The following UGT8 variants were observed in gnomAD, a reference collection of about 807,000 sequenced individuals.
UGT8 encodes the protein 2-hydroxyacylsphingosine 1-beta-galactosyltransferase.
A neutral mutation model predicts 40.5 loss-of-function variants in UGT8; 12 were observed. The ratio of observed to expected loss-of-function variants is 0.30; its 90% CI spans 0.19 to 0.48. The LOEUF is 0.48. Ranked by LOEUF, UGT8 falls within the 20% of genes least tolerant of loss-of-function variation. The probability of loss-of-function intolerance (pLI) is 0.99; values close to 1 mark genes in which losing one functional copy is unlikely to be tolerated. For synonymous variants in UGT8, 224 were observed against 240.4 expected (o/e 0.93, Z 0.63); for missense variants, 513 against 648.7 (o/e 0.79, Z 2.27).
At chr4:114,608,167 C>A (rs1161267301) in intron 1 of UGT8, among the ~76,000 whole-genome samples, 1 of 151,948 alleles carries the variant, frequency 6.6e-6, no homozygotes. Context: ...CCTTTTTTTT[C>A]TTCTGCACTT....
At chr4:114,633,820 T>C (rs1732723905) in intron 2 of UGT8, among the ~76,000 whole-genome samples, 1 of 152,036 alleles carries the variant, frequency 6.6e-6, no homozygotes, top group African/African-American at 2.4e-5. Flanking sequence ...GGTGTGTGCC[T>C]GTAATCCCAG....
chr4:114,624,800 T>C (rs1289327286), intron 2 of UGT8, among the ~76,000 whole-genome samples: 1 of 152,050 alleles, frequency 6.6e-6, no homozygotes, highest in African/African-American at 2.4e-5. Context: ...ATATTTCATA[T>C]AACATGGAAA....
chr4:114,602,231 G>A (rs1490058176), intron 1 of UGT8, among the ~76,000 whole-genome samples: 5 of 152,068 alleles, frequency 3.3e-5, no homozygotes, highest in Non-Finnish European at 5.9e-5. Flanking sequence ...GGCCCAGATC[G>A]TCTTTGTTTA....
chr4:114,598,500 G>C (rs1431566028), upstream of UGT8: 1 of 152,234 alleles, frequency 6.6e-6, no homozygotes, highest in African/African-American at 2.4e-5. Context: ...CCAACGCGCT[G>C]CCCCTTGCCC....
intron 1 of UGT8, among the ~76,000 whole-genome samples, chr4:114,616,753 A>G (rs556780621): frequency 1.1e-4 from 17 of 152,182 alleles, no homozygotes; most frequent in Non-Finnish European, 2.2e-4. Context: ...CATGTATGGT[A>G]TTAAACTCTG....
chr4:114,623,658 T>C lies in UGT8; in HGVS notation c.778T>C (p.Tyr260His). The C allele has an allele frequency of 1.2e-6, 2 of 1,610,698 alleles. No individual in the cohort carries two copies. The highest frequency in any genetic ancestry group is 2.2e-5 in the South Asian group (2 of 91,024). ...AAGACCCACTCTGCCTAATGTTGTT[T>C]ATGTAGGAGGAATCCTAACCAAACC... ...FPRPTLPNVV[Y>H]VGGILTKPAS... The change falls in exon 2 of 6, where the codon TAT (tyrosine) becomes CAT (histidine). Residue 260 changes from tyrosine (Y) to histidine (H), a missense_variant. Tyr to His is a moderately conservative substitution (Grantham distance 83, BLOSUM62 2). Coordinates refer to ENST00000310836, the MANE Select transcript of UGT8 (RefSeq NM_001128174.3).
At position 114,603,156 on chromosome 4, in the gene UGT8, G is replaced by A. The variant is rs867309639; in HGVS notation, c.-3+4182G>A. The stretch of plus-strand genomic sequence containing the variant: ...GTGGGTGGTATAGGAGGATGGGATG[G>A]GAACTTAAAAGGAGATCCAGATTTG... On this transcript the variant is annotated intron_variant, in intron 1 of 5. Coordinates refer to ENST00000310836, the MANE Select transcript of UGT8 (RefSeq NM_001128174.3). Among the ~76,000 whole-genome samples, 113 of 152,200 alleles carry A rather than the reference G, an allele frequency of 7.4e-4. 1 individual carries two copies. Among genetic ancestry groups the A allele is most frequent in the African/African-American group, 2.6e-3 (106 of 41,528 alleles).
intron 5 of UGT8, among the ~76,000 whole-genome samples, chr4:114,671,468 C>A (rs1017299067): frequency 1.3e-5 from 2 of 152,110 alleles, no homozygotes; most frequent in East Asian, 3.9e-4. Context: ...GTACTGGTAC[C>A]AAAACAGACA....
intron 1 of UGT8, among the ~76,000 whole-genome samples, chr4:114,601,491 A>G (rs1350165521): frequency 6.6e-6 from 1 of 152,136 alleles, no homozygotes; most frequent in Non-Finnish European, 1.5e-5. Context: ...TATGCAAGAT[A>G]TAGTATCTCA....
At chr4:114,654,706 AAG>A (rs201578940) in intron 2 of UGT8, among the ~76,000 whole-genome samples, 1 of 152,092 alleles carries the variant, frequency 6.6e-6, no homozygotes, top group Non-Finnish European at 1.5e-5. Flanking sequence ...TGCATTTTGC[AAG>A]AGAGAGAGAA....
chr4:114,667,624 A>G (rs530863748), intron 4 of UGT8, among the ~76,000 whole-genome samples: 6 of 152,302 alleles, frequency 3.9e-5, no homozygotes, highest in East Asian at 3.9e-4. Context: ...TTTTTGGAGA[A>G]GCACACAAAC....
At chr4:114,623,814 A>G in intron 2 of UGT8, 112 bp downstream of exon 2, 2 of 1,365,548 alleles carry the variant, frequency 1.5e-6, no homozygotes, top group African/African-American at 2.9e-5. Context: ...CAGTACACTA[A>G]AAGGTGATTA....
intron 2 of UGT8, among the ~76,000 whole-genome samples, chr4:114,637,487 A>C (rs78243349): frequency 6.6e-6 from 1 of 152,180 alleles, no homozygotes; most frequent in Non-Finnish European, 1.5e-5. Context: ...CTGCATTTTT[A>C]AGAGAACATT....
rs367605063 is a variant in UGT8, at chr4:114,599,445, A to T, written c.-3+471A>T. Among the ~76,000 whole-genome samples the T allele has an allele frequency of 7.2e-5, 11 of 152,186 alleles. No homozygotes were observed. The East Asian group carries it at 1.8e-3, about 24-fold the overall frequency. On this transcript the variant is annotated intron_variant, in intron 1 of 5. Coordinates refer to ENST00000310836, the MANE Select transcript of UGT8 (RefSeq NM_001128174.3). ...CCAGGAGGAGCTTCGGGACCTCTTC[A>T]ACTCCCCTTTACTCCGTCTTCCCCC...
chr4:114,645,488 A>AT (rs1042455611), intron 2 of UGT8, among the ~76,000 whole-genome samples: 1 of 151,868 alleles, frequency 6.6e-6, no homozygotes, highest in African/African-American at 2.4e-5. Flanking sequence ...TATAGAGTTA[A>AT]TTTTTTTTCA....
At chr4:114,609,471 T>A (rs924449705) in intron 1 of UGT8, among the ~76,000 whole-genome samples, 10 of 152,324 alleles carry the variant, frequency 6.6e-5, no homozygotes, top group Admixed American at 5.9e-4. Context: ...ACTTCTAAAC[T>A]ATGTGCAATA....
chr4:114,629,284 A>G (rs1459415472), intron 2 of UGT8, among the ~76,000 whole-genome samples: 1 of 152,136 alleles, frequency 6.6e-6, no homozygotes, highest in African/African-American at 2.4e-5. Context: ...GAGACTAATA[A>G]TTTCATTCCA....
In UGT8 at chr4:114,663,589, TA is replaced by T. The variant is rs1231649047; in HGVS notation, c.823-403del. 1.6e-5 allele frequency: 9 copies of T among 570,370 alleles called. No homozygotes were observed. In the Admixed American group the frequency reaches 4.5e-4, roughly 28 times the overall value. 35.3% of individuals were successfully genotyped at this position (570,370 alleles called of 1,614,324 possible). ...AATCAATCATACTGGCAAAAATTTGTAAATGATACATTAACAAATTTTTGCC... is the reference window on the plus strand; with the variant it reads ...AATCAATCATACTGGCAAAAATTTGTAATGATACATTAACAAATTTTTGCC... On this transcript the variant is annotated intron_variant, in intron 2 of 5. Transcript: ENST00000310836.
At chr4:114,628,604 G>C (rs1254158525) in intron 2 of UGT8, among the ~76,000 whole-genome samples, 2 of 151,438 alleles carry the variant, frequency 1.3e-5, no homozygotes, top group African/African-American at 4.8e-5. Context: ...AGCTATTGCT[G>C]TCTTGAAAGA....
Sources: allele counts gnomAD v4.1 joint callset (sites outside exome capture counted in the v4.1 genomes callset), GRCh38; gene constraint gnomAD v4.1.1; transcripts MANE v1.5; gene names NCBI Gene and HGNC (gene_info 2026-07-23, HGNC 2026-07-21).